RGMB: variants seen among roughly 807,000 people sequenced by gnomAD.
RGMB encodes the protein repulsive guidance molecule BMP co-receptor b.
In RGMB, 16 loss-of-function variants were observed where a neutral mutation model predicts 26.9. That is an observed-to-expected ratio of 0.60 (90% CI 0.40 to 0.90). The LOEUF is 0.90. Ranked by LOEUF, RGMB falls within the 40% of genes least tolerant of loss-of-function variation. The pLI is 0.00. For synonymous variants in RGMB, 225 were observed against 229.3 expected (o/e 0.98, Z 0.17); for missense variants, 512 against 573.3 (o/e 0.89, Z 1.09).
At chr5:98,774,573 G>A (rs1372137792) in intron 1 of RGMB, among the ~76,000 whole-genome samples, 2 of 152,180 alleles carry the variant, frequency 1.3e-5, no homozygotes, top group South Asian at 2.1e-4. Context: ...AGTCAGGCTC[G>A]GATCAGGTTT....
intron 2 of RGMB, among the ~76,000 whole-genome samples, chr5:98,788,434 A>G (rs1746826710): frequency 6.6e-6 from 1 of 152,192 alleles, no homozygotes; most frequent in African/African-American, 2.4e-5. Flanking sequence ...TTTAAAGGAA[A>G]ATTATCAATG....
chr5:98,783,084 T>C (rs1580282870), intron 2 of RGMB, among the ~76,000 whole-genome samples: 1 of 152,074 alleles, frequency 6.6e-6, no homozygotes, highest in African/African-American at 2.4e-5. Context: ...AAAGGTAGGG[T>C]TTGTTTTCCT....
At chr5:98,770,704 C>A, upstream of RGMB, 1 of 1,363,550 alleles carries the variant, frequency 7.3e-7, no homozygotes, top group Non-Finnish European at 9.7e-7. Context: ...TCTCAAGTCG[C>A]CCGCTTGGCC....
At chr5:98,781,077 C>T (rs772374414) in intron 2 of RGMB, 17 of 152,204 alleles carry the variant, frequency 1.1e-4, no homozygotes, top group Non-Finnish European at 1.9e-4. Context: ...TGACAAGACT[C>T]AAGCTTTTGA....
At chr5:98,786,569 T>G (rs1393296483) in intron 2 of RGMB, among the ~76,000 whole-genome samples, 32 of 152,238 alleles carry the variant, frequency 2.1e-4, no homozygotes. Flanking sequence ...ATGTGGCATA[T>G]AAAAAGTTAC....
At chr5:98,780,113 C>T (rs775707607) in intron 2 of RGMB, 25 bp downstream of exon 2, 2 of 1,583,322 alleles carry the variant, frequency 1.3e-6, no homozygotes, top group Non-Finnish European at 1.7e-6. Flanking sequence ...TTTTTTCCCT[C>T]TCCCTACTCA....
rs199764525 is a variant in RGMB at position 98,779,838 on chromosome 5, C to A, written c.395C>A (p.Pro132His). 6.2e-7 allele frequency: 1 copy of A among 1,613,906 alleles called. No homozygotes were observed. The change falls in exon 2 of 3, where the codon CCC becomes CAC. Residue 132 changes from proline (P) to histidine (H), a missense_variant. Pro to His is a moderately conservative substitution (Grantham distance 77). Transcript: ENST00000513185. ...SKDGPTSSTNPEVTHDPCNYH... is the reference protein window; with the variant it reads ...SKDGPTSSTNHEVTHDPCNYH... ...GATGGACCCACATCCTCTACCAACCCCGAAGTGACCCATGATCCTTGCAAC... is the reference window on the plus strand; with the variant it reads ...GATGGACCCACATCCTCTACCAACCACGAAGTGACCCATGATCCTTGCAAC...
upstream of RGMB, chr5:98,771,567 C>T (rs1487618062): frequency 2.6e-5 from 4 of 152,240 alleles, no homozygotes; most frequent in Non-Finnish European, 5.9e-5. Context: ...CCTCTAGCGG[C>T]TGAACACTTA....
At position 98,779,617 on chromosome 5, in the gene RGMB, A is replaced by G; in HGVS notation, c.174A>G (p.Lys58=). The change falls in exon 2 of 3, where the codon AAA becomes AAG. Residue 58 remains lysine, a synonymous_variant. Coordinates refer to ENST00000513185, the MANE Select transcript of RGMB (RefSeq NM_001366508.1). ...AGCCAGCCCAATGTCGAATCCAGAA[A>G]TGCACCACGGACTTCGTGTCCCTGA... ...CQQPAQCRIQ[K]CTTDFVSLTS... is the part of the protein sequence containing the mutation. 6.6e-7 allele frequency: 1 copy of G among 1,525,690 alleles called. No individual in the cohort carries two copies. The highest frequency in any genetic ancestry group is 8.8e-7 in the Non-Finnish European group (1 of 1,135,580). 94.5% of individuals were successfully genotyped at this position (1,525,690 alleles called of 1,614,324 possible).
chr5:98,787,031 A>G (rs1022830412), intron 2 of RGMB, among the ~76,000 whole-genome samples: 1 of 151,924 alleles, frequency 6.6e-6, no homozygotes, highest in Non-Finnish European at 1.5e-5. Flanking sequence ...AATGGGGGTC[A>G]GTTTCCATTT....
chr5:98,787,693 A>T (rs965798277), intron 2 of RGMB, among the ~76,000 whole-genome samples: 1 of 152,206 alleles, frequency 6.6e-6, no homozygotes, highest in Admixed American at 6.5e-5. Flanking sequence ...CAAGACTTAC[A>T]GGACAAAGGC....
At chr5:98,791,125 TC>T (rs1460840796) in intron 2 of RGMB, among the ~76,000 whole-genome samples, 3 of 152,186 alleles carry the variant, frequency 2.0e-5, no homozygotes, top group Non-Finnish European at 4.4e-5. Flanking sequence ...TTTCCTGAAA[TC>T]ATCTCTGATG....
At chr5:98,770,519 C>A, upstream of RGMB, 2 of 605,036 alleles carry the variant, frequency 3.3e-6, no homozygotes, top group Non-Finnish European at 5.0e-6. Context: ...GGGTGATGAG[C>A]CCCCCGCAAG....
Position 98,795,940 on chromosome 5 carries a change from G to C in RGMB, c.*2187G>C, listed in dbSNP as rs1047849059. ...CTGATAGTTGGGAAAAGAAGATTGG[G>C]TTATTTTGCCATATCATTTAGCTGG... On this transcript the variant is annotated 3_prime_UTR_variant, in exon 3 of 3. Transcript: ENST00000513185. The C allele has an allele frequency of 2.6e-5, 4 of 152,058 alleles. No individual in the cohort carries two copies. Among genetic ancestry groups the C allele is most frequent in the Non-Finnish European group, 5.9e-5 (4 of 68,018 alleles). 9.4% of individuals were successfully genotyped at this position (152,058 alleles called of 1,614,324 possible). A position where few individuals can be genotyped will look rare whatever the true frequency, so the allele number is the denominator to read the frequency against.
rs1369223688 is a variant in RGMB, at chr5:98,793,403, A to G, written c.964A>G (p.Ile322Val). The change falls in exon 3 of 3, where the codon ATC becomes GTC. Residue 322 changes from isoleucine to valine, a missense_variant. Transcript: ENST00000513185. ...CVNGCPLSER[I>V]DDGQGQVSAI... is the part of the protein sequence containing the mutation. Reference sequence around the variant, plus strand: ...GAACGGCTGCCCCCTGAGTGAACGCATCGATGACGGGCAGGGCCAGGTGTC... The same window carrying G: ...GAACGGCTGCCCCCTGAGTGAACGCGTCGATGACGGGCAGGGCCAGGTGTC... 1 of 1,612,970 alleles carries G rather than the reference A, an allele frequency of 6.2e-7. No homozygotes were observed. Among genetic ancestry groups the G allele is most frequent in the African/African-American group, 1.3e-5 (1 of 74,922 alleles).
chr5:98,769,495 A>G (rs971391588), upstream of RGMB: 1 of 152,272 alleles, frequency 6.6e-6, no homozygotes, highest in Non-Finnish European at 1.5e-5. Context: ...TCCCGCCCCG[A>G]GTCGCGCTGC....
At chr5:98,781,110 A>C (rs1043403834) in intron 2 of RGMB, 1 of 152,196 alleles carries the variant, frequency 6.6e-6, no homozygotes, top group Non-Finnish European at 1.5e-5. Context: ...TGTTCTCTTG[A>C]TTCCAGGACA....
rs554337453 is a variant in RGMB, at chr5:98,793,689, G to A, written c.1250G>A (p.Arg417His). ...CCCAGCAGTGGCAATGGGACTCCCC[G>A]TGGAGGCAGTGATTTGTCTGTCAGT... ...IFPSSGNGTP[R>H]GGSDLSVSLG... The change falls in exon 3 of 3, where the codon CGT becomes CAT. Residue 417 changes from arginine (R) to histidine (H), a missense_variant. Transcript: ENST00000513185. The A allele has an allele frequency of 2.4e-5, 39 of 1,611,262 alleles. No individual in the cohort carries two copies. Among genetic ancestry groups the A allele is most frequent in the Middle Eastern group, 3.3e-4 (2 of 6,062 alleles).
At position 98,794,525 on chromosome 5, in the gene RGMB, C is replaced by T. The variant is rs1006294786; in HGVS notation, c.*772C>T. 3 of 152,160 alleles carry T rather than the reference C, an allele frequency of 2.0e-5. No homozygotes were observed. The highest frequency in any genetic ancestry group is 1.9e-4 in the East Asian group (1 of 5,202). The allele number at this position is 152,160 out of a possible 1,614,324, so 9.4% of individuals were successfully genotyped here. A position where few individuals can be genotyped will look rare whatever the true frequency, so the allele number is the denominator to read the frequency against. The stretch of plus-strand genomic sequence containing the variant: ...TAAGTACCAGGCATCTCAGTAACTC[C>T]TAGACTTTTTCTCATCCCATGCCCC... On this transcript the variant is annotated 3_prime_UTR_variant, in exon 3 of 3. Transcript: ENST00000513185.
Sources: allele counts gnomAD v4.1 joint callset (sites outside exome capture counted in the v4.1 genomes callset), GRCh38; gene constraint gnomAD v4.1.1; transcripts MANE v1.5; gene names NCBI Gene and HGNC (gene_info 2026-07-23, HGNC 2026-07-21).